Variants in CEP112 observed in about 807,000 individuals in gnomAD.
CEP112 encodes centrosomal protein of 112 kDa.
CEP112 carries 127 observed loss-of-function variants against 153.0 expected under a neutral mutation model. The ratio of observed to expected loss-of-function variants is 0.83; its 90% confidence interval spans 0.72 to 0.96. The LOEUF is 0.96. Among genes scored for constraint, CEP112 ranks in the 40% least tolerant of loss-of-function variants. The pLI is 0.00. For synonymous variants in CEP112, 358 were observed against 374.4 expected, an observed-to-expected ratio of 0.96 and a Z score of 0.51; for missense variants, 1,089 against 1,101.2, an observed-to-expected ratio of 0.99 and a Z score of 0.16.
chr17:66,160,881 C>T (rs971841016), intron 4 of CEP112, among the ~76,000 whole-genome samples: 4 of 151,912 alleles, frequency 2.6e-5, no homozygotes, highest in African/African-American at 9.7e-5. Flanking sequence ...GCAAAAGAAG[C>T]TATCATAAGA....
intron 21 of CEP112, among the ~76,000 whole-genome samples, chr17:65,843,381 T>A (rs1041703340): frequency 6.6e-6 from 1 of 152,158 alleles, no homozygotes; most frequent in Non-Finnish European, 1.5e-5. Context: ...AATTTTATAA[T>A]TCTAACCTGA....
chr17:65,878,996 G>A (rs911620783), intron 20 of CEP112, among the ~76,000 whole-genome samples: 15 of 152,162 alleles, frequency 9.9e-5, no homozygotes, highest in African/African-American at 3.4e-4. Context: ...TTCCCACTCA[G>A]GGAGAGATAT....
At chr17:65,805,872 A>G (rs2055569166) in intron 21 of CEP112, among the ~76,000 whole-genome samples, 1 of 152,212 alleles carries the variant, frequency 6.6e-6, no homozygotes, top group Non-Finnish European at 1.5e-5. Flanking sequence ...AAACACCTTC[A>G]TTCTCTTTAT....
At chr17:66,142,658 G>A (rs2070754564) in intron 4 of CEP112, among the ~76,000 whole-genome samples, 2 of 152,140 alleles carry the variant, frequency 1.3e-5, no homozygotes, top group South Asian at 2.1e-4. Flanking sequence ...TCAGTTGACT[G>A]TAAATGCGTG....
chr17:65,776,239 T>TC (rs2053667782), intron 21 of CEP112, among the ~76,000 whole-genome samples: 1 of 150,278 alleles, frequency 6.7e-6, no homozygotes, highest in African/African-American at 2.5e-5. Flanking sequence ...CCCGCCCCCA[T>TC]CCCCTTTTTT....
At chr17:65,851,585 T>C (rs2146304836) in intron 21 of CEP112, among the ~76,000 whole-genome samples, 1 of 152,274 alleles carries the variant, frequency 6.6e-6, no homozygotes, top group Admixed American at 6.5e-5. Flanking sequence ...ATATAATCCC[T>C]TCCATGAAAG....
intron 6 of CEP112, among the ~76,000 whole-genome samples, chr17:66,118,792 A>C (rs1433439227): frequency 6.6e-6 from 1 of 152,212 alleles, no homozygotes; most frequent in Non-Finnish European, 1.5e-5. Context: ...TTTGATTATA[A>C]CACATGGTAT....
At chr17:65,851,720 T>C in intron 21 of CEP112, 84 bp downstream of exon 21, 2 of 954,528 alleles carry the variant, frequency 2.1e-6, no homozygotes, top group South Asian at 1.6e-5. Flanking sequence ...CTACTACCTT[T>C]TGGAGATTAA....
chr17:65,719,026 T>C (rs1296764840), intron 23 of CEP112, among the ~76,000 whole-genome samples: 1 of 152,236 alleles, frequency 6.6e-6, no homozygotes, highest in Non-Finnish European at 1.5e-5. Flanking sequence ...AGAAGTTAAA[T>C]TTCTTGTTTT....
chr17:66,087,098 C>A (rs2067968666), intron 8 of CEP112, among the ~76,000 whole-genome samples: 1 of 152,110 alleles, frequency 6.6e-6, no homozygotes, highest in African/African-American at 2.4e-5. Flanking sequence ...TGATTACATG[C>A]AAACTTCTCA....
In CEP112 at chr17:65,689,114, T is replaced by C; in HGVS notation, c.2697+15A>G. On this transcript the variant is annotated intron_variant, in intron 24 of 26. Transcript: ENST00000535342. Reference sequence around the variant, plus strand: ...GAAAGTAAACAAGAGAGTCAAATAGTAAAGGAGAGGGTACCTGTTCCTGTG... The same window carrying C: ...GAAAGTAAACAAGAGAGTCAAATAGCAAAGGAGAGGGTACCTGTTCCTGTG... 1.3e-6 allele frequency: 2 copies of C among 1,570,018 alleles called. No individual in the cohort carries two copies. The highest frequency in any genetic ancestry group is 1.8e-6 in the Non-Finnish European group (2 of 1,140,060).
intron 8 of CEP112, among the ~76,000 whole-genome samples, chr17:66,081,846 C>G (rs1383219303): frequency 6.6e-6 from 1 of 152,038 alleles, no homozygotes; most frequent in Non-Finnish European, 1.5e-5. Context: ...ACCCAGGAGA[C>G]AGAGATTATG....
At chr17:66,062,487 A>G (rs2066961988) in intron 11 of CEP112, among the ~76,000 whole-genome samples, 1 of 152,130 alleles carries the variant, frequency 6.6e-6, no homozygotes. Context: ...TAAAGTATCT[A>G]TGTATTGAAA....
chr17:65,818,542 A>G (rs1199560846), intron 21 of CEP112, among the ~76,000 whole-genome samples: 1 of 151,802 alleles, frequency 6.6e-6, no homozygotes, highest in Non-Finnish European at 1.5e-5. Context: ...AAAAATTACA[A>G]CAAATAAGGT....
intron 17 of CEP112, among the ~76,000 whole-genome samples, chr17:65,982,594 G>A (rs2063268174): frequency 6.6e-6 from 1 of 152,218 alleles, no homozygotes. Context: ...GATAGCTGCA[G>A]TTCCAATTAG....
chr17:65,778,276 GGAATGAAT>G (rs1382291052), intron 21 of CEP112, among the ~76,000 whole-genome samples: 2 of 152,180 alleles, frequency 1.3e-5, no homozygotes, highest in African/African-American at 2.4e-5. Flanking sequence ...AATGAATGGA[GGAATGAAT>G]GAATGTTTTC....
intron 6 of CEP112, among the ~76,000 whole-genome samples, chr17:66,097,979 C>T (rs2068417177): frequency 6.6e-6 from 1 of 152,188 alleles, no homozygotes; most frequent in South Asian, 2.1e-4. Flanking sequence ...TGCCTCCTCA[C>T]ATATTTTTAA....
intron 21 of CEP112, among the ~76,000 whole-genome samples, chr17:65,831,914 AC>A (rs2057098477): frequency 6.9e-6 from 1 of 144,340 alleles, no homozygotes; most frequent in African/African-American, 2.6e-5. Flanking sequence ...CATAGAACAT[AC>A]TCTAAAATTG....
At position 65,684,040 on chromosome 17, in the gene CEP112, TAAAAAC is replaced by T. The variant is rs965610731; in HGVS notation, c.2697+5083_2697+5088del. Among the ~76,000 whole-genome samples, 8 of 152,106 alleles carry T rather than the reference TAAAAAC, an allele frequency of 5.3e-5. No homozygotes were observed. The South Asian group carries it at 6.2e-4, about 12-fold the overall frequency. ...AGGCAACAGAGCGAGACTCCATCATTAAAAACAAAAACAAAAACAAAAACAAAACCA... is the reference window on the plus strand; with the variant it reads ...AGGCAACAGAGCGAGACTCCATCATTAAAAACAAAAACAAAAACAAAACCA... On this transcript the variant is annotated intron_variant, in intron 24 of 26. Coordinates refer to ENST00000535342, the MANE Select transcript of CEP112 (RefSeq NM_001199165.4).
Sources: gnomAD v4.1 joint callset for allele counts (sites outside exome capture counted in the v4.1 genomes callset) on GRCh38, gnomAD v4.1.1 for gene constraint, MANE v1.5 for transcripts, NCBI Gene and HGNC (gene_info 2026-07-23, HGNC 2026-07-21) for gene names.